Variants in DPH6 observed in about 807,000 individuals in gnomAD.
The protein encoded by DPH6 is diphthine--ammonia ligase.
Under a neutral mutation model 38.2 loss-of-function variants are expected in DPH6, and 33 were observed. The observed-to-expected ratio is 0.86, with a 90% CI of 0.65 to 1.15. DPH6 has a LOEUF of 1.15. Among genes scored for constraint, DPH6 ranks in the 50% most tolerant of loss-of-function variants. DPH6 has a pLI of 0.00. For synonymous variants in DPH6, 108 were observed against 103.0 expected (o/e 1.05, Z -0.30); for missense variants, 325 against 320.0 (o/e 1.02, Z -0.12).
At chr15:35,325,860 A>G (rs2052278033), downstream of DPH6, among the ~76,000 whole-genome samples, 1 of 152,212 alleles carries the variant, frequency 6.6e-6, no homozygotes, top group Non-Finnish European at 1.5e-5. Context: ...AGAATATATA[A>G]AGAAATAATG....
chr15:35,288,372 C>T (rs534777813), intron 3 of DPH6, among the ~76,000 whole-genome samples: 1 of 152,172 alleles, frequency 6.6e-6, no homozygotes, highest in East Asian at 1.9e-4. Flanking sequence ...AAAGACTTAC[C>T]AGTAAGGTTT....
intron 3 of DPH6, among the ~76,000 whole-genome samples, chr15:35,479,821 A>T (rs1228662768): frequency 6.6e-6 from 1 of 152,140 alleles, no homozygotes; most frequent in African/African-American, 2.4e-5. Context: ...TTTAAATAAA[A>T]AGCACGATTT....
At chr15:35,389,328 G>A (rs1566891693) in intron 6 of DPH6, among the ~76,000 whole-genome samples, 3 of 152,174 alleles carry the variant, frequency 2.0e-5, no homozygotes, top group Non-Finnish European at 4.4e-5. Flanking sequence ...TTGATTTGGG[G>A]TGCAGAGTTC....
chr15:35,282,404 C>T (rs2051905042), intron 3 of DPH6, among the ~76,000 whole-genome samples: 1 of 152,166 alleles, frequency 6.6e-6, no homozygotes, highest in Admixed American at 6.5e-5. Flanking sequence ...GTCTTGAACT[C>T]CTGGCCTCAA....
chr15:35,508,947 C>T (rs965401909), intron 3 of DPH6, among the ~76,000 whole-genome samples: 5 of 152,162 alleles, frequency 3.3e-5, no homozygotes, highest in Admixed American at 2.0e-4. Context: ...ATATCTACTT[C>T]CTTTCATTTT....
At chr15:35,237,145 C>T (rs2051558257) in intron 3 of DPH6, 3 of 597,190 alleles carry the variant, frequency 5.0e-6, no homozygotes, top group South Asian at 4.1e-5. Flanking sequence ...AAAAACCTCT[C>T]CCAGTTTCCT....
At chr15:35,533,276 G>A (rs923988701) in intron 3 of DPH6, among the ~76,000 whole-genome samples, 1 of 152,032 alleles carries the variant, frequency 6.6e-6, no homozygotes, top group Non-Finnish European at 1.5e-5. Context: ...CATATTCCCA[G>A]TAGTCATGAT....
At chr15:35,342,990 T>C (rs979135315) in intron 3 of DPH6, among the ~76,000 whole-genome samples, 2 of 152,216 alleles carry the variant, frequency 1.3e-5, no homozygotes, top group African/African-American at 2.4e-5. Flanking sequence ...TGTGATTGTA[T>C]TGAAGCAAAT....
chr15:35,146,673 A>T, the DPH6 span, among the ~76,000 whole-genome samples: 1 of 152,148 alleles, frequency 6.6e-6, no homozygotes, highest in Non-Finnish European at 1.5e-5. Flanking sequence ...AGTAGCAGTA[A>T]TGGTACTACT....
intron 3 of DPH6, among the ~76,000 whole-genome samples, chr15:35,272,819 A>G (rs1382060518): frequency 2.6e-5 from 4 of 152,000 alleles, no homozygotes; most frequent in African/African-American, 9.7e-5. Flanking sequence ...AGGCAGGAGA[A>G]TCGCTTGAAC....
At chr15:35,175,118 ATAGCC>A in the DPH6 span, among the ~76,000 whole-genome samples, 77 of 152,278 alleles carry the variant, frequency 5.1e-4, no homozygotes, top group African/African-American at 1.8e-3. Context: ...AGTGTAGGTA[ATAGCC>A]TTTTTGTATA....
intron 3 of DPH6, among the ~76,000 whole-genome samples, chr15:35,227,332 C>T (rs530020893): frequency 6.6e-5 from 10 of 151,514 alleles, no homozygotes; most frequent in Admixed American, 2.0e-4. Context: ...TACAGGCGCC[C>T]GCCACCACAC....
chr15:35,213,890 A>G (rs1276929265), downstream of DPH6, among the ~76,000 whole-genome samples: 1 of 152,192 alleles, frequency 6.6e-6, no homozygotes, highest in African/African-American at 2.4e-5. Flanking sequence ...AGGCGGGTGG[A>G]TCACAAGGTC....
chr15:35,368,793 G>C (rs893112383), downstream of DPH6, among the ~76,000 whole-genome samples: 7 of 151,854 alleles, frequency 4.6e-5, no homozygotes, highest in African/African-American at 1.7e-4. Flanking sequence ...TTCAAGTTTT[G>C]TACATAATGA....
At chr15:35,409,460 C>G (rs76404748) in intron 6 of DPH6, among the ~76,000 whole-genome samples, 1 of 152,048 alleles carries the variant, frequency 6.6e-6, no homozygotes, top group African/African-American at 2.4e-5. Context: ...TGATAATACC[C>G]AGGTTAACTC....
chr15:35,545,088 T>C (rs1290445131), intron 1 of DPH6, among the ~76,000 whole-genome samples: 1 of 152,198 alleles, frequency 6.6e-6, no homozygotes, highest in Non-Finnish European at 1.5e-5. Flanking sequence ...AAGTCCTTAA[T>C]AGGTCAAAAC....
chr15:35,299,305 C>G, intron 3 of DPH6: 2 of 1,014,836 alleles, frequency 2.0e-6, no homozygotes, highest in Non-Finnish European at 1.6e-6. Context: ...AAGAACTGTA[C>G]CTTGTTTCGT....
At chr15:35,484,211 A>G (rs187086451) in intron 3 of DPH6, among the ~76,000 whole-genome samples, 2 of 152,358 alleles carry the variant, frequency 1.3e-5, no homozygotes, top group African/African-American at 2.4e-5. Flanking sequence ...GGAAATAGTG[A>G]TGGAACAAGT....
intron 1 of DPH6, among the ~76,000 whole-genome samples, chr15:35,542,991 GA>G (rs201183555): frequency 0.018 from 746 of 41,678 alleles, 19 homozygotes; most frequent in African/African-American, 0.041. Context: ...AAATTATTGG[GA>G]AAAAAAAAAC....
Sources: gnomAD v4.1 joint callset for allele counts (sites outside exome capture counted in the v4.1 genomes callset) on GRCh38, gnomAD v4.1.1 for gene constraint, MANE v1.5 for transcripts, NCBI Gene and HGNC (gene_info 2026-07-23, HGNC 2026-07-21) for gene names.